The following PCDH15 variants were observed in gnomAD, a reference collection of about 807,000 sequenced individuals.
PCDH15 encodes protocadherin-15.
A neutral mutation model predicts 178.5 loss-of-function variants in PCDH15; 129 were observed. The observed-to-expected ratio is 0.72, with a 90% CI of 0.63 to 0.84. The LOEUF (loss-of-function observed/expected upper bound fraction) is 0.84. Among genes scored for constraint, PCDH15 ranks in the 40% least tolerant of loss-of-function variants. The pLI is 0.00. For missense variants in PCDH15, 2,230 were observed against 2,099.9 expected (o/e 1.06, Z -1.21); for synonymous variants, 800 against 732.0 (o/e 1.09, Z -1.50).
chr10:54,286,759 T>C (rs1286897441), intron 8 of PCDH15, among the ~76,000 whole-genome samples: 1 of 152,168 alleles, frequency 6.6e-6, no homozygotes, highest in Non-Finnish European at 1.5e-5. Flanking sequence ...CCAGAGTAGC[T>C]TGGATTACAA....
chr10:54,470,984 C>T (rs1344537289), intron 3 of PCDH15, among the ~76,000 whole-genome samples: 2 of 151,952 alleles, frequency 1.3e-5, no homozygotes, highest in African/African-American at 4.8e-5. Flanking sequence ...GCATCAACAC[C>T]CCACACAATT....
intron 2 of PCDH15, among the ~76,000 whole-genome samples, chr10:54,941,432 T>A (rs948972805): frequency 6.6e-6 from 1 of 152,082 alleles, no homozygotes; most frequent in Non-Finnish European, 1.5e-5. Flanking sequence ...TTATTTTTGG[T>A]TTCTTACAAT....
intron 1 of PCDH15, among the ~76,000 whole-genome samples, chr10:55,280,086 A>G (rs1842688929): frequency 6.6e-6 from 1 of 152,066 alleles, no homozygotes; most frequent in African/African-American, 2.4e-5. Flanking sequence ...TTGCCATAAA[A>G]GACAAGCAGG....
At chr10:54,955,081 G>A (rs1838447558) in intron 2 of PCDH15, among the ~76,000 whole-genome samples, 1 of 151,082 alleles carries the variant, frequency 6.6e-6, no homozygotes, top group South Asian at 2.1e-4. Flanking sequence ...TTGTCCAATA[G>A]TGAATTGTTT....
At chr10:54,097,018 C>G (rs2094712049) in intron 15 of PCDH15, among the ~76,000 whole-genome samples, 1 of 152,054 alleles carries the variant, frequency 6.6e-6, no homozygotes, top group South Asian at 2.1e-4. Flanking sequence ...TAGTTTTTAA[C>G]CACCAAAATA....
At chr10:55,186,814 A>G (rs976926456) in intron 1 of PCDH15, among the ~76,000 whole-genome samples, 1 of 147,836 alleles carries the variant, frequency 6.8e-6, no homozygotes, top group Non-Finnish European at 1.5e-5. Flanking sequence ...TAGCACTTCA[A>G]TAAATTAGAC....
intron 3 of PCDH15, among the ~76,000 whole-genome samples, chr10:54,813,806 C>T (rs75911316): frequency 0.038 from 5,745 of 152,212 alleles, 309 homozygotes; most frequent in African/African-American, 0.13. Context: ...GAATCCATTA[C>T]TGTTTTCTGA....
At chr10:54,025,778 T>C (rs1025030853) in intron 18 of PCDH15, among the ~76,000 whole-genome samples, 2 of 152,158 alleles carry the variant, frequency 1.3e-5, no homozygotes, top group Non-Finnish European at 1.5e-5. Context: ...ATTACAGGCG[T>C]GAGCCACTGC....
intron 1 of PCDH15, among the ~76,000 whole-genome samples, chr10:55,243,426 A>G (rs1841605400): frequency 6.6e-6 from 1 of 152,238 alleles, no homozygotes; most frequent in African/African-American, 2.4e-5. Context: ...TTATGTGAAT[A>G]ACAAGACCAG....
chr10:55,007,198 T>C (rs959831607), intron 2 of PCDH15, among the ~76,000 whole-genome samples: 3 of 152,176 alleles, frequency 2.0e-5, no homozygotes, highest in Non-Finnish European at 2.9e-5. Flanking sequence ...TCTTTTCTCA[T>C]AAATTACCCA....
chr10:55,198,730 G>A (rs1050663799), intron 1 of PCDH15, among the ~76,000 whole-genome samples: 12 of 151,044 alleles, frequency 7.9e-5, no homozygotes, highest in Non-Finnish European at 1.0e-4. Flanking sequence ...GCATCTGCCC[G>A]CCTCGGCATC....
chr10:54,100,735 T>C (rs2136150481), intron 15 of PCDH15, among the ~76,000 whole-genome samples: 1 of 152,244 alleles, frequency 6.6e-6, no homozygotes, highest in South Asian at 2.1e-4. Flanking sequence ...TCAATAAAAC[T>C]CTCACTTCTG....
chr10:54,898,986 C>T (rs1425025885), intron 2 of PCDH15, among the ~76,000 whole-genome samples: 1 of 152,086 alleles, frequency 6.6e-6, no homozygotes, highest in African/African-American at 2.4e-5. Flanking sequence ...GACTGAACTC[C>T]ATTTTTCTGC....
At chr10:55,441,211 C>T (rs189111416) in intron 2 of PCDH15, among the ~76,000 whole-genome samples, 32 of 152,268 alleles carry the variant, frequency 2.1e-4, no homozygotes, top group African/African-American at 7.2e-4. Context: ...ATTAGTTTTA[C>T]CCACCTCTGT....
intron 1 of PCDH15, among the ~76,000 whole-genome samples, chr10:55,307,757 A>C (rs1843469839): frequency 6.6e-6 from 1 of 151,896 alleles, no homozygotes; most frequent in South Asian, 2.1e-4. Context: ...ATTTTTAAAA[A>C]TTTATTCTTC....
In PCDH15 at chr10:54,340,668, G is replaced by A. The variant is rs528618879; in HGVS notation, c.594+5697C>T. On this transcript the variant is annotated intron_variant, in intron 6 of 37. Transcript: ENST00000644397. ...AGCAAGCAAAATACTCTTGGAAGACGGCTAAGTGGGTGACTTGAAAGATCC... is the reference window on the plus strand; with the variant it reads ...AGCAAGCAAAATACTCTTGGAAGACAGCTAAGTGGGTGACTTGAAAGATCC... 3.9e-5 allele frequency among the ~76,000 whole-genome samples: 6 copies of A among 152,224 alleles called. No homozygotes were observed. The East Asian group carries it at 7.7e-4, about 20-fold the overall frequency.
intron 3 of PCDH15, among the ~76,000 whole-genome samples, chr10:54,450,937 G>A (rs565545419): frequency 6.6e-6 from 1 of 151,836 alleles, no homozygotes; most frequent in South Asian, 2.1e-4. Context: ...GCAATTTAAT[G>A]TGAATGTTTT....
chr10:54,428,214 G>A (rs1002148935), intron 3 of PCDH15, among the ~76,000 whole-genome samples: 9 of 152,082 alleles, frequency 5.9e-5, no homozygotes, highest in South Asian at 2.1e-4. Flanking sequence ...TGCCCAAAGC[G>A]GTGTCTCCTT....
At chr10:55,273,222 GA>G (rs1275423402) in intron 1 of PCDH15, among the ~76,000 whole-genome samples, 2 of 151,994 alleles carry the variant, frequency 1.3e-5, no homozygotes, top group Admixed American at 1.3e-4. Context: ...ATAAATCAAT[GA>G]CTTAATTTTT....
Sources: gnomAD v4.1 joint callset for allele counts (sites outside exome capture counted in the v4.1 genomes callset) on GRCh38, gnomAD v4.1.1 for gene constraint, MANE v1.5 for transcripts, NCBI Gene and HGNC (gene_info 2026-07-23, HGNC 2026-07-21) for gene names.